Variants in ASMTL observed in about 807,000 individuals in gnomAD.
ASMTL encodes the protein probable bifunctional dTTP/UTP pyrophosphatase/methyltransferase protein.
Under a neutral mutation model 60.3 loss-of-function variants are expected in ASMTL, and 57 were observed. That is an observed-to-expected ratio of 0.95 (90% CI 0.76 to 1.18). ASMTL has a LOEUF of 1.18. ASMTL is among the 50% of genes most tolerant of loss of function. The pLI, the probability that ASMTL is intolerant of heterozygous loss-of-function variation, is 0.00. For synonymous variants in ASMTL, 419 were observed against 373.0 expected (o/e 1.12, Z -1.42); for missense variants, 981 against 852.6 (o/e 1.15, Z -1.88).
rs187964049 is a variant in ASMTL, at chrX:1,407,576, T to G, written c.1646-4087A>C. ...GGATAGATAATAAATGATAGACAGA[T>G]GACAGGTGACGGAGCATTGTTAGAA... On this transcript the variant is annotated intron_variant, in intron 12 of 12. Transcript: ENST00000381317. Among the ~76,000 whole-genome samples the G allele has an allele frequency of 4.5e-4, 69 of 152,148 alleles. 1 individual carries two copies. The highest frequency in any genetic ancestry group is 1.6e-3 in the African/African-American group (65 of 41,494).
chrX:1,436,641 C>T (rs1201344521), intron 3 of ASMTL, among the ~76,000 whole-genome samples: 6 of 152,146 alleles, frequency 3.9e-5, no homozygotes, highest in East Asian at 1.9e-4. Flanking sequence ...GGTGAGCCAC[C>T]GCACCCGGCC....
chrX:1,433,388 G>C (rs367699511), intron 5 of ASMTL, among the ~76,000 whole-genome samples: 1 of 146,692 alleles, frequency 6.8e-6, no homozygotes, highest in Non-Finnish European at 1.5e-5. Flanking sequence ...AGAAGGGACC[G>C]CGCGCGGTGG....
chrX:1,412,061 C>T (rs2090050080), intron 12 of ASMTL, among the ~76,000 whole-genome samples: 1 of 151,814 alleles, frequency 6.6e-6, no homozygotes, highest in Non-Finnish European at 1.5e-5. Context: ...AGGTGATCCG[C>T]CCGCCTCGGC....
At chrX:1,427,616 A>G (rs2149314235) in intron 7 of ASMTL, 118 bp downstream of exon 7, 1 of 1,120,072 alleles carries the variant, frequency 8.9e-7, no homozygotes, top group Admixed American at 2.2e-5. Context: ...CATGGCCCTG[A>G]GACAACCTGA....
At chrX:1,417,296 C>T (rs774609117) in intron 11 of ASMTL, among the ~76,000 whole-genome samples, 4 of 20,554 alleles carry the variant, frequency 1.9e-4, no homozygotes, top group Admixed American at 1.0e-3. Flanking sequence ...CAGACACAGA[C>T]GGGCACACAG....
intron 9 of ASMTL, 100 bp from the exon 10 acceptor site, chrX:1,419,214 C>A: frequency 7.1e-7 from 1 of 1,400,818 alleles, no homozygotes. Flanking sequence ...GGCTCCAGAG[C>A]GTGGGGGCTC....
chrX:1,411,967 AAGC>A (rs2090045701), intron 12 of ASMTL, among the ~76,000 whole-genome samples: 1 of 151,582 alleles, frequency 6.6e-6, no homozygotes. Context: ...ACCCGCTATC[AAGC>A]CCGGCTTATT....
chrX:1,442,103 G>T, intron 2 of ASMTL, 83 bp downstream of exon 2: 25 of 1,492,518 alleles, frequency 1.7e-5, no homozygotes, highest in Non-Finnish European at 2.3e-5. Flanking sequence ...ACGTTTATTT[G>T]TGTCATGTAT....
At chrX:1,448,738 C>A (rs1333014808) in intron 1 of ASMTL, among the ~76,000 whole-genome samples, 15 of 151,306 alleles carry the variant, frequency 9.9e-5, no homozygotes, top group Non-Finnish European at 1.8e-4. Flanking sequence ...CCATCTGGGA[C>A]ACACACCACC....
intron 8 of ASMTL, among the ~76,000 whole-genome samples, chrX:1,424,416 A>C (rs866144276): frequency 1.5e-3 from 51 of 34,890 alleles, no homozygotes; most frequent in South Asian, 3.9e-3. Flanking sequence ...ATTCACCCAC[A>C]CTCCCAATCA....
chrX:1,432,956 G>C (rs1330231131), intron 5 of ASMTL, among the ~76,000 whole-genome samples: 1 of 152,214 alleles, frequency 6.6e-6, no homozygotes, highest in Non-Finnish European at 1.5e-5. Context: ...AAATTAGCCG[G>C]GCGTGGTGGC....
At chrX:1,426,798 A>G (rs748364216) in intron 7 of ASMTL, among the ~76,000 whole-genome samples, 1 of 151,702 alleles carries the variant, frequency 6.6e-6, no homozygotes, top group South Asian at 2.1e-4. Flanking sequence ...ATCTGCTAAG[A>G]CCCCTTTTTA....
At chrX:1,452,627 C>T (rs2091425786) in intron 1 of ASMTL, 121 bp downstream of exon 1, 1 of 771,648 alleles carries the variant, frequency 1.3e-6, no homozygotes. Flanking sequence ...TCCCCTCCCC[C>T]ATCCCTAAGG....
chrX:1,445,289 C>T (rs1304034184), intron 1 of ASMTL, among the ~76,000 whole-genome samples: 2 of 152,096 alleles, frequency 1.3e-5, no homozygotes, highest in African/African-American at 4.8e-5. Context: ...AAAACACAAA[C>T]AGACACTCTC....
chrX:1,419,064 C>A lies in ASMTL; in HGVS notation c.1296G>T (p.Met432Ile). The change falls in exon 10 of 13, where the codon ATG becomes ATT. Residue 432 changes from methionine (M) to isoleucine (I), a missense_variant. Coordinates refer to ENST00000381317, the MANE Select transcript of ASMTL (RefSeq NM_004192.4). ...PETRLRFMRAMHGMTKLTACQ... is the reference protein window; with the variant it reads ...PETRLRFMRAIHGMTKLTACQ... The stretch of plus-strand genomic sequence containing the variant: ...ACGCAGTCAGCTTCGTCATGCCGTG[C>A]ATGGCCCGCATGAACCTCAGCCGCG... The A allele has an allele frequency of 6.2e-7, 1 of 1,611,242 alleles. No homozygotes were observed. Among genetic ancestry groups the A allele is most frequent in the Non-Finnish European group, 8.5e-7 (1 of 1,179,532 alleles).
intron 1 of ASMTL, among the ~76,000 whole-genome samples, chrX:1,448,498 G>T (rs2091279804): frequency 6.8e-6 from 1 of 146,194 alleles, no homozygotes; most frequent in Non-Finnish European, 1.5e-5. Context: ...TGCCATCTTG[G>T]ATAAGCACCA....
chrX:1,450,298 G>A (rs2091328917), intron 1 of ASMTL, among the ~76,000 whole-genome samples: 3 of 151,946 alleles, frequency 2.0e-5, no homozygotes, highest in South Asian at 4.1e-4. Context: ...ATCCTCATGG[G>A]GGCACCAGGA....
chrX:1,441,792 T>C (rs373258118), intron 2 of ASMTL: 233 of 181,214 alleles, frequency 1.3e-3, no homozygotes, highest in African/African-American at 5.3e-3. Context: ...AATGATACTA[T>C]GATATCAATT....
chrX:1,432,153 A>G lies in ASMTL; in HGVS notation c.509+116T>C, dbSNP rs757398694. On this transcript the variant is annotated intron_variant, in intron 6 of 12. Coordinates refer to ENST00000381317, the MANE Select transcript of ASMTL (RefSeq NM_004192.4). Reference sequence around the variant, plus strand: ...AGCCGGGCGGCTCTCCCTGTGCCACACGGCCCCCGGAGCGGGGCCTCCTTC... The same window carrying G: ...AGCCGGGCGGCTCTCCCTGTGCCACGCGGCCCCCGGAGCGGGGCCTCCTTC... 67 of 817,376 alleles carry G rather than the reference A, an allele frequency of 8.2e-5. 2 individuals are homozygous for G. The South Asian group carries it at 1.1e-3, about 13-fold the overall frequency. 50.6% of individuals were successfully genotyped at this position (817,376 alleles called of 1,614,324 possible). A position where few individuals can be genotyped will look rare whatever the true frequency, so the allele number is the denominator to read the frequency against.
Sources: allele counts gnomAD v4.1 joint callset (sites outside exome capture counted in the v4.1 genomes callset), GRCh38; gene constraint gnomAD v4.1.1; transcripts MANE v1.5; gene names NCBI Gene and HGNC (gene_info 2026-07-23, HGNC 2026-07-21).